The following ITGA4 variants were observed in gnomAD, a reference collection of about 807,000 sequenced individuals.
ITGA4 encodes integrin subunit alpha 4.
In ITGA4, 63 loss-of-function variants were observed where a neutral mutation model predicts 133.6. That is an observed-to-expected ratio of 0.47 (90% CI 0.38 to 0.58). The LOEUF is 0.58. ITGA4 is among the 20% of genes least tolerant of loss of function. The pLI, the probability that ITGA4 is intolerant of heterozygous loss-of-function variation, is 0.00. For synonymous variants in ITGA4, 483 were observed against 438.0 expected (o/e 1.10, Z -1.28); for missense variants, 1,076 against 1,252.7 (o/e 0.86, Z 2.13).
At chr2:181,486,097 A>C in intron 10 of ITGA4, 105 bp downstream of exon 10, 1 of 1,418,396 alleles carries the variant, frequency 7.1e-7, no homozygotes, top group Non-Finnish European at 9.3e-7. Flanking sequence ...TAGAAGATGG[A>C]GCCAGAATGG....
At chr2:181,528,793 T>C (rs1184927327) in intron 22 of ITGA4, among the ~76,000 whole-genome samples, 1 of 152,216 alleles carries the variant, frequency 6.6e-6, no homozygotes, top group African/African-American at 2.4e-5. Context: ...TCTTTCTGAC[T>C]TACTGTATTG....
At chr2:181,524,484 C>A in intron 20 of ITGA4, 2 of 375,970 alleles carry the variant, frequency 5.3e-6, no homozygotes, top group South Asian at 9.5e-5. Flanking sequence ...TGATGTGTCA[C>A]GAATCAAACT....
At position 181,482,603 on chromosome 2, in the gene ITGA4, C is replaced by T; in HGVS notation, c.993C>T (p.Ser331=). Residue 331 remains serine (S), a synonymous_variant, in exon 9 of 28, where the codon AGC becomes AGT. Coordinates refer to ENST00000397033, the MANE Select transcript of ITGA4 (RefSeq NM_000885.6). The part of the protein sequence containing the change: ...SDLLVGAPMQ[S]TIREEGRVFV... ...TGCTCGTGGGAGCACCCATGCAGAGCACCATCAGAGAGGAAGGAAGAGTGT... is the reference window on the plus strand; with the variant it reads ...TGCTCGTGGGAGCACCCATGCAGAGTACCATCAGAGAGGAAGGAAGAGTGT... The T allele has an allele frequency of 6.2e-7, 1 of 1,613,702 alleles. No individual in the cohort carries two copies. The highest frequency in any genetic ancestry group is 1.1e-5 in the South Asian group (1 of 91,056).
rs202188020 is a variant in ITGA4, at chr2:181,457,736, G to A, written c.82G>A (p.Val28Ile). The A allele has an allele frequency of 1.6e-5, 26 of 1,612,950 alleles. No individual in the cohort carries two copies. The African/African-American group carries it at 2.9e-4, about 18-fold the overall frequency. The change falls in exon 1 of 28, where the codon GTC becomes ATC. Residue 28 changes from valine to isoleucine, a missense_variant. By Grantham distance (29) the Val-to-Ile change is conservative. Transcript: ENST00000397033. Reference sequence around the variant, plus strand: ...GGTGATGCTGTTGCTGTGCCTGGGGGTCCCGACCGGCCGCCCCTACAACGT... The same window carrying A: ...GGTGATGCTGTTGCTGTGCCTGGGGATCCCGACCGGCCGCCCCTACAACGT... ...ETVMLLLCLG[V>I]PTGRPYNVDT...
intron 17 of ITGA4, among the ~76,000 whole-genome samples, chr2:181,520,065 G>C (rs1686686770): frequency 6.6e-6 from 1 of 152,100 alleles, no homozygotes; most frequent in South Asian, 2.1e-4. Flanking sequence ...AGGAACCAGA[G>C]ACTTGACATT....
chr2:181,513,609 C>T (rs373403209), intron 17 of ITGA4, among the ~76,000 whole-genome samples: 1 of 152,040 alleles, frequency 6.6e-6, no homozygotes, highest in African/African-American at 2.4e-5. Flanking sequence ...TATTAACATA[C>T]ACATGTGATA....
chr2:181,533,217 C>T (rs1318842887), intron 25 of ITGA4, among the ~76,000 whole-genome samples: 1 of 152,054 alleles, frequency 6.6e-6, no homozygotes, highest in Non-Finnish European at 1.5e-5. Context: ...TTTATAAGCA[C>T]TTAGTTCATG....
intron 15 of ITGA4, among the ~76,000 whole-genome samples, chr2:181,504,795 G>GA (rs1686359346): frequency 6.6e-6 from 1 of 151,858 alleles, no homozygotes; most frequent in Non-Finnish European, 1.5e-5. Flanking sequence ...AATTCTATAA[G>GA]AAAAATCTGA....
chr2:181,531,888 A>T, intron 25 of ITGA4, 112 bp downstream of exon 25: 1 of 703,514 alleles, frequency 1.4e-6, no homozygotes, highest in Non-Finnish European at 2.2e-6. Flanking sequence ...AATTTTAAAT[A>T]AAATTTTGGA....
chr2:181,466,595 C>T (rs1389530209), intron 2 of ITGA4, among the ~76,000 whole-genome samples: 1 of 151,934 alleles, frequency 6.6e-6, no homozygotes, highest in African/African-American at 2.4e-5. Context: ...TTTCCATCAC[C>T]CAAAATTATT....
chr2:181,501,379 A>G (rs1332960698), intron 15 of ITGA4, among the ~76,000 whole-genome samples: 3 of 152,170 alleles, frequency 2.0e-5, no homozygotes, highest in Admixed American at 6.6e-5. Flanking sequence ...GAATGGTGGA[A>G]GAAGAGATTA....
At chr2:181,486,195 G>T in intron 10 of ITGA4, 1 of 522,674 alleles carries the variant, frequency 1.9e-6, no homozygotes, top group Non-Finnish European at 3.1e-6. Flanking sequence ...AATAATGGAT[G>T]ATATTCAAAA....
In ITGA4 at chr2:181,536,838, G is replaced by C. The variant is rs769758552; in HGVS notation, c.*1311G>C. The C allele has an allele frequency of 2.6e-6, 1 of 386,546 alleles. No individual in the cohort carries two copies. Among genetic ancestry groups the C allele is most frequent in the South Asian group, 2.0e-5 (1 of 50,146 alleles). The allele number at this position is 386,546 out of a possible 1,614,324, so 23.9% of individuals were successfully genotyped here. A position where few individuals can be genotyped will look rare whatever the true frequency, so the allele number is the denominator to read the frequency against. ...GCAGAATATCATTTTATCTGACTCT[G>C]CCTTCATAAGAGAGCTGTGGCCGAA... On this transcript the variant is annotated 3_prime_UTR_variant, in exon 28 of 28. Coordinates refer to ENST00000397033, the MANE Select transcript of ITGA4 (RefSeq NM_000885.6).
intron 21 of ITGA4, among the ~76,000 whole-genome samples, chr2:181,526,776 TA>T (rs2105768485): frequency 7.0e-6 from 1 of 142,054 alleles, no homozygotes; most frequent in African/African-American, 2.6e-5. Context: ...AAGAAAAGAA[TA>T]TCGGTGAGGG....
At position 181,475,068 on chromosome 2, in the gene ITGA4, T is replaced by TC. The variant is rs1432175040; in HGVS notation, c.426+2_426+3insC. 1 of 1,613,548 alleles carries TC rather than the reference T, an allele frequency of 6.2e-7. No individual in the cohort carries two copies. The highest frequency in any genetic ancestry group is 1.7e-5 in the Admixed American group (1 of 60,002). On this transcript the variant is annotated splice_region_variant and intron_variant, in intron 3 of 27. Transcript: ENST00000397033. ...CCAGGAGAAAATGGATCCATCGTGG[T>TC]AGGTATTGGAACTGGTCCACAGATC...
chr2:181,504,074 G>A (rs1686340302), intron 15 of ITGA4, among the ~76,000 whole-genome samples: 1 of 151,950 alleles, frequency 6.6e-6, no homozygotes, highest in Admixed American at 6.6e-5. Context: ...GGAGAAGAAG[G>A]GTGCTACATT....
chr2:181,514,054 A>G (rs1054794226), intron 17 of ITGA4, among the ~76,000 whole-genome samples: 1 of 152,142 alleles, frequency 6.6e-6, no homozygotes, highest in African/African-American at 2.4e-5. Flanking sequence ...AAGGGATCAG[A>G]TTCATAGGTA....
rs1377932778 is a variant in ITGA4 at position 181,516,085 on chromosome 2, A to C, written c.1922+4310A>C. 6.6e-6 allele frequency among the ~76,000 whole-genome samples: 1 copy of C among 152,096 alleles called. No individual in the cohort carries two copies. Among genetic ancestry groups the C allele is most frequent in the Non-Finnish European group, 1.5e-5 (1 of 67,982 alleles). On this transcript the variant is annotated intron_variant, in intron 17 of 27. Coordinates refer to ENST00000397033, the MANE Select transcript of ITGA4 (RefSeq NM_000885.6). The surrounding 1 kb of genome is among the most constrained non-coding windows in gnomAD (Gnocchi z 4.0). ...TGCATTTATAAAGGACTTGCAGTGC[A>C]AAATAAAGATGAACCAACACGACTT...
chr2:181,483,412 G>A (rs1314156198), intron 9 of ITGA4, among the ~76,000 whole-genome samples: 2 of 146,996 alleles, frequency 1.4e-5, no homozygotes, highest in Non-Finnish European at 3.1e-5. Context: ...GTGGGCTTGT[G>A]AGAAGACCAG....
Sources: gnomAD v4.1 joint callset for allele counts (sites outside exome capture counted in the v4.1 genomes callset) on GRCh38, gnomAD v4.1.1 for gene constraint, Gnocchi (gnomAD v3.1) non-coding constraint, MANE v1.5 for transcripts, NCBI Gene and HGNC (gene_info 2026-07-23, HGNC 2026-07-21) for gene names.